The following ST3GAL1 variants were observed in gnomAD, a reference collection of about 807,000 sequenced individuals.
ST3GAL1 encodes the protein CMP-N-acetylneuraminate-beta-galactosamide-alpha-2,3-sialyltransferase 1.
ST3GAL1 carries 16 observed loss-of-function variants against 34.1 expected under a neutral mutation model. That is an observed-to-expected ratio of 0.47 (90% CI 0.32 to 0.71). The LOEUF (loss-of-function observed/expected upper bound fraction) is 0.71. Among genes scored for constraint, ST3GAL1 ranks in the 30% least tolerant of loss-of-function variants. ST3GAL1 has a pLI of 0.04. For missense variants in ST3GAL1, 353 were observed against 447.4 expected, an observed-to-expected ratio of 0.79 and a Z score of 1.90; for synonymous variants, 191 against 184.7, an observed-to-expected ratio of 1.03 and a Z score of -0.28.
intron 3 of ST3GAL1, among the ~76,000 whole-genome samples, chr8:133,497,629 T>C (rs1367541578): frequency 2.0e-5 from 3 of 152,024 alleles, no homozygotes; most frequent in South Asian, 2.1e-4. Flanking sequence ...CCCGCCACCA[T>C]GCCTGGCTAA....
At chr8:133,498,662 C>G (rs1230089362) in intron 3 of ST3GAL1, among the ~76,000 whole-genome samples, 1 of 152,252 alleles carries the variant, frequency 6.6e-6, no homozygotes, top group East Asian at 1.9e-4. Context: ...AACTACGCAA[C>G]CATCCAGAGT....
In ST3GAL1 at chr8:133,475,729, C is replaced by T. The variant is rs776241539; in HGVS notation, c.296G>A (p.Arg99Gln). The change falls in exon 5 of 10, where the codon CGA becomes CAA. Residue 99 changes from arginine to glutamine, a missense_variant. Transcript: ENST00000522652. ...QNALLEDDTY[R>Q]WWLRLQREKK... is the part of the protein sequence containing the mutation. ...CAGGCAGCATCTCACCAGCCACCATCGGTAGGTGTCGTCCTCCAAGAGCGC... is the reference window on the plus strand; with the variant it reads ...CAGGCAGCATCTCACCAGCCACCATTGGTAGGTGTCGTCCTCCAAGAGCGC... The T allele has an allele frequency of 6.3e-6, 10 of 1,595,018 alleles. No individual in the cohort carries two copies. In the Admixed American group the frequency reaches 6.8e-5, roughly 11 times the overall value.
chr8:133,503,815 T>C (rs1305893342), intron 2 of ST3GAL1, among the ~76,000 whole-genome samples: 2 of 152,182 alleles, frequency 1.3e-5, no homozygotes, highest in Non-Finnish European at 2.9e-5. Context: ...ACTGCCCACC[T>C]TGAAAGGCAG....
At chr8:133,530,195 G>A (rs981683806) in intron 2 of ST3GAL1, among the ~76,000 whole-genome samples, 4 of 152,174 alleles carry the variant, frequency 2.6e-5, no homozygotes, top group African/African-American at 9.7e-5. Flanking sequence ...CCTTCCAGGT[G>A]AGCATCACGC....
At chr8:133,506,033 G>A (rs778343076) in intron 2 of ST3GAL1, among the ~76,000 whole-genome samples, 6 of 152,066 alleles carry the variant, frequency 3.9e-5, no homozygotes, top group East Asian at 1.9e-4. Flanking sequence ...CAGTTCCTCC[G>A]TTGCACCAGC....
chr8:133,497,361 C>T (rs1816983006), intron 3 of ST3GAL1, among the ~76,000 whole-genome samples: 1 of 151,652 alleles, frequency 6.6e-6, no homozygotes, highest in East Asian at 1.9e-4. Flanking sequence ...CAAACTTCAC[C>T]AAACACAGAA....
In ST3GAL1 at chr8:133,469,410, G is replaced by A. The variant is rs569079409; in HGVS notation, c.307-3320C>T. On this transcript the variant is annotated intron_variant, in intron 5 of 9. Coordinates refer to ENST00000522652, the MANE Select transcript of ST3GAL1 (RefSeq NM_173344.3). The surrounding 1 kb of genome is among the most constrained non-coding windows in gnomAD (Gnocchi z 4.3). The stretch of plus-strand genomic sequence containing the variant: ...ATTTTTGTATTTTTAGTAGAAACAC[G>A]GTTTCACCATGTTGGCCAGGCTGGT... Among the ~76,000 whole-genome samples the A allele has an allele frequency of 4.8e-4, 73 of 151,468 alleles. 1 individual carries two copies. The highest frequency in any genetic ancestry group is 1.1e-3 in the African/African-American group (43 of 40,870).
chr8:133,501,813 C>G (rs952509679), intron 2 of ST3GAL1, among the ~76,000 whole-genome samples: 3 of 152,116 alleles, frequency 2.0e-5, no homozygotes, highest in Non-Finnish European at 4.4e-5. Flanking sequence ...TGAGCACTAC[C>G]CAATACGTAG....
intron 2 of ST3GAL1, among the ~76,000 whole-genome samples, chr8:133,511,798 A>T (rs905864362): frequency 6.6e-6 from 1 of 152,194 alleles, no homozygotes; most frequent in Non-Finnish European, 1.5e-5. Context: ...TCATGCCTGT[A>T]ATCCCAGCAC....
intron 2 of ST3GAL1, among the ~76,000 whole-genome samples, chr8:133,529,831 G>A (rs534490690): frequency 8.5e-5 from 13 of 152,076 alleles, no homozygotes; most frequent in Admixed American, 3.3e-4. Flanking sequence ...AGACACCCAC[G>A]TGGACAAGGT....
intron 1 of ST3GAL1, among the ~76,000 whole-genome samples, chr8:133,563,450 G>A (rs117555140): frequency 7.9e-5 from 12 of 152,056 alleles, no homozygotes; most frequent in South Asian, 4.1e-4. Flanking sequence ...CTAAGTTTCC[G>A]CACTAGGCCC....
intron 3 of ST3GAL1, among the ~76,000 whole-genome samples, chr8:133,485,374 C>T (rs4736678): frequency 0.25 from 38,145 of 152,170 alleles, 5,679 homozygotes; most frequent in Non-Finnish European, 0.35. Context: ...CTCCAGGCAG[C>T]GGGGCAGCTG....
intron 2 of ST3GAL1, among the ~76,000 whole-genome samples, chr8:133,524,192 C>T (rs1419988449): frequency 6.6e-6 from 1 of 152,202 alleles, no homozygotes; most frequent in East Asian, 1.9e-4. Flanking sequence ...ATTAAAAAAC[C>T]TACCTCTTAA....
At chr8:133,509,124 A>C (rs538758789) in intron 2 of ST3GAL1, among the ~76,000 whole-genome samples, 3 of 152,336 alleles carry the variant, frequency 2.0e-5, no homozygotes, top group African/African-American at 7.2e-5. Flanking sequence ...TGCACTCATT[A>C]ATTAACTAAT....
At chr8:133,559,970 G>A (rs1819168644) in intron 1 of ST3GAL1, among the ~76,000 whole-genome samples, 1 of 152,210 alleles carries the variant, frequency 6.6e-6, no homozygotes, top group Non-Finnish European at 1.5e-5. Flanking sequence ...CTTGCAAGCA[G>A]CCATGCAGGG....
At chr8:133,465,746 G>A in intron 6 of ST3GAL1, 148 bp downstream of exon 6, 4 of 775,790 alleles carry the variant, frequency 5.2e-6, no homozygotes, top group Non-Finnish European at 6.2e-6. Flanking sequence ...TGAGGCCCAG[G>A]GGGTGCAGTG....
At chr8:133,478,521 A>T (rs1038988497) in intron 3 of ST3GAL1, among the ~76,000 whole-genome samples, 17 of 152,196 alleles carry the variant, frequency 1.1e-4, no homozygotes, top group African/African-American at 4.1e-4. Flanking sequence ...TACATGAGGG[A>T]ATAAATCCCC....
intron 2 of ST3GAL1, among the ~76,000 whole-genome samples, chr8:133,526,834 G>A (rs1035403817): frequency 3.3e-5 from 5 of 152,122 alleles, no homozygotes; most frequent in Admixed American, 3.3e-4. Context: ...CAGAGTGGGC[G>A]AGGGAGCTGT....
At chr8:133,495,154 G>T (rs1020022162) in intron 3 of ST3GAL1, among the ~76,000 whole-genome samples, 23 of 152,034 alleles carry the variant, frequency 1.5e-4, no homozygotes, top group African/African-American at 5.6e-4. Context: ...TCCTGACCTG[G>T]TGATCCGCCT....
Sources: gnomAD v4.1 joint callset for allele counts (sites outside exome capture counted in the v4.1 genomes callset) on GRCh38, gnomAD v4.1.1 for gene constraint, Gnocchi (gnomAD v3.1) non-coding constraint, MANE v1.5 for transcripts, NCBI Gene and HGNC (gene_info 2026-07-23, HGNC 2026-07-21) for gene names.